Variants in CTNND2 observed in about 807,000 individuals in gnomAD.
CTNND2 encodes the protein catenin delta 2, also known as catenin delta-2.
CTNND2 carries 22 observed loss-of-function variants against 144.4 expected under a neutral mutation model. The ratio of observed to expected loss-of-function variants is 0.15; its 90% CI spans 0.11 to 0.22. The LOEUF is 0.22. Among genes scored for constraint, CTNND2 ranks in the 10% least tolerant of loss-of-function variants. The pLI is 1.00. For synonymous variants in CTNND2, 751 were observed against 695.6 expected (o/e 1.08, Z -1.25); for missense variants, 1,353 against 1,618.8 (o/e 0.84, Z 2.82).
chr5:11,855,991 A>G lies in CTNND2; in HGVS notation c.37+47826T>C, dbSNP rs553991572. On this transcript the variant is annotated intron_variant, in intron 1 of 21. Transcript: ENST00000304623. Reference sequence around the variant, plus strand: ...AGTGTGGTTGCAAGAAAAGGCTTTGAGAAAGCACTGAATGAATACTATGTG... The same window carrying G: ...AGTGTGGTTGCAAGAAAAGGCTTTGGGAAAGCACTGAATGAATACTATGTG... Among the ~76,000 whole-genome samples the G allele has an allele frequency of 8.6e-4, 131 of 152,348 alleles. 1 individual carries two copies. The highest frequency in any genetic ancestry group is 3.4e-3 in the Middle Eastern group (1 of 294).
chr5:11,212,257 C>A (rs779252811), intron 10 of CTNND2, among the ~76,000 whole-genome samples: 31 of 152,126 alleles, frequency 2.0e-4, no homozygotes, highest in Non-Finnish European at 3.4e-4. Context: ...GAAGGGGATA[C>A]ACACAGGAAC....
chr5:11,355,652 A>G (rs1399309234), intron 8 of CTNND2, among the ~76,000 whole-genome samples: 2 of 152,140 alleles, frequency 1.3e-5, no homozygotes, highest in East Asian at 1.9e-4. Flanking sequence ...CACCACTTCT[A>G]TTCAACATAG....
At chr5:11,780,295 C>G (rs1481298777) in intron 1 of CTNND2, among the ~76,000 whole-genome samples, 1 of 152,124 alleles carries the variant, frequency 6.6e-6, no homozygotes, top group Non-Finnish European at 1.5e-5. Flanking sequence ...CTCTCAGAAA[C>G]CAGGAATTCA....
At chr5:11,662,207 A>ATATGTGTATATATGTGTATATATG (rs1561669224) in intron 2 of CTNND2, among the ~76,000 whole-genome samples, 7 of 131,716 alleles carry the variant, frequency 5.3e-5, no homozygotes, top group East Asian at 2.1e-4. Context: ...GTATATATGT[A>ATATGTGTATATATGTGTATATATG]TATATATACA....
chr5:11,232,270 T>C (rs1029103498), intron 10 of CTNND2, among the ~76,000 whole-genome samples: 15 of 152,264 alleles, frequency 9.9e-5, no homozygotes, highest in African/African-American at 3.6e-4. Flanking sequence ...AGGGTCACCA[T>C]CCTCCAGGAC....
chr5:11,689,745 T>TAA (rs148243860), intron 2 of CTNND2, among the ~76,000 whole-genome samples: 1,824 of 150,782 alleles, frequency 0.012, 40 homozygotes, highest in African/African-American at 0.042. Flanking sequence ...AGTATCTTCA[T>TAA]AAAAAAAAAG....
intron 9 of CTNND2, among the ~76,000 whole-genome samples, chr5:11,286,406 AAGGT>A (rs1401371496): frequency 2.0e-5 from 3 of 152,224 alleles, no homozygotes; most frequent in African/African-American, 2.4e-5. Context: ...AAAGCTCAAC[AAGGT>A]AGGTGCTTGT....
intron 2 of CTNND2, among the ~76,000 whole-genome samples, chr5:11,668,699 G>C (rs1783706904): frequency 6.6e-6 from 1 of 152,182 alleles, no homozygotes; most frequent in Admixed American, 6.5e-5. Flanking sequence ...ATACAATCAT[G>C]TCATCTGCAA....
intron 1 of CTNND2, among the ~76,000 whole-genome samples, chr5:11,832,270 G>A (rs1039911559): frequency 1.3e-5 from 2 of 151,544 alleles, no homozygotes; most frequent in East Asian, 2.0e-4. Flanking sequence ...GCAACAGAGC[G>A]AGATTCCATC....
At chr5:11,465,835 AT>A (rs761661650) in intron 3 of CTNND2, among the ~76,000 whole-genome samples, 14 of 152,148 alleles carry the variant, frequency 9.2e-5, no homozygotes, top group Non-Finnish European at 1.8e-4. Flanking sequence ...TGTTGCAGTA[AT>A]TTACTTGGCT....
intron 11 of CTNND2, among the ~76,000 whole-genome samples, chr5:11,172,907 T>C (rs749112537): frequency 6.6e-6 from 1 of 152,210 alleles, no homozygotes; most frequent in Non-Finnish European, 1.5e-5. Flanking sequence ...GCAAGGACTA[T>C]ACAGTGGAAG....
chr5:10,979,926 C>G (rs1737006907), intron 21 of CTNND2, among the ~76,000 whole-genome samples: 1 of 152,280 alleles, frequency 6.6e-6, no homozygotes, highest in African/African-American at 2.4e-5. Context: ...AAGACTTAAA[C>G]ATACGACCCA....
chr5:11,234,175 A>G (rs1417317425), intron 10 of CTNND2, among the ~76,000 whole-genome samples: 1 of 152,220 alleles, frequency 6.6e-6, no homozygotes, highest in Admixed American at 6.5e-5. Context: ...ACACACGCAG[A>G]GACAGACACA....
At chr5:11,832,409 A>G (rs968206605) in intron 1 of CTNND2, among the ~76,000 whole-genome samples, 2 of 152,206 alleles carry the variant, frequency 1.3e-5, no homozygotes, top group African/African-American at 4.8e-5. Context: ...AAAGACTTGT[A>G]TCCAGGAGCT....
At chr5:11,722,186 CAG>C (rs555272790) in intron 2 of CTNND2, among the ~76,000 whole-genome samples, 103 of 152,328 alleles carry the variant, frequency 6.8e-4, no homozygotes, top group African/African-American at 2.4e-3. Context: ...ACCATTTTCA[CAG>C]AGTTTTCTCC....
chr5:11,442,055 AC>A (rs1414764416), intron 3 of CTNND2, among the ~76,000 whole-genome samples: 1 of 152,208 alleles, frequency 6.6e-6, no homozygotes, highest in East Asian at 1.9e-4. Context: ...TAAAAAAAGA[AC>A]GAAATACATA....
chr5:11,175,748 A>C (rs1760421412), intron 11 of CTNND2, among the ~76,000 whole-genome samples: 1 of 152,088 alleles, frequency 6.6e-6, no homozygotes, highest in Admixed American at 6.6e-5. Context: ...TCTCAATATG[A>C]ATTCCTAAAA....
intron 16 of CTNND2, among the ~76,000 whole-genome samples, chr5:11,048,324 C>A (rs181670168): frequency 6.6e-6 from 1 of 152,166 alleles, no homozygotes; most frequent in Non-Finnish European, 1.5e-5. Context: ...TAAGCTATTC[C>A]CTGAGTGAGG....
chr5:11,704,642 C>A (rs1785610144), intron 2 of CTNND2, among the ~76,000 whole-genome samples: 1 of 151,936 alleles, frequency 6.6e-6, no homozygotes, highest in Non-Finnish European at 1.5e-5. Flanking sequence ...GCATCCTAAC[C>A]TTTAACCCAC....
Sources: allele counts gnomAD v4.1 joint callset (sites outside exome capture counted in the v4.1 genomes callset), GRCh38; gene constraint gnomAD v4.1.1; transcripts MANE v1.5; gene names NCBI Gene and HGNC (gene_info 2026-07-23, HGNC 2026-07-21).